The following PDSS2 variants were observed in gnomAD, a reference collection of about 807,000 sequenced individuals.
PDSS2 encodes decaprenyl diphosphate synthase subunit 2.
PDSS2 carries 31 observed loss-of-function variants against 44.5 expected under a neutral mutation model. The ratio of observed to expected loss-of-function variants is 0.70; its 90% CI spans 0.52 to 0.94. The LOEUF is 0.94. Among genes scored for constraint, PDSS2 ranks in the 40% least tolerant of loss-of-function variants. PDSS2 has a pLI of 0.00. For synonymous variants in PDSS2, 157 were observed against 180.3 expected (o/e 0.87, Z 1.03); for missense variants, 452 against 482.2 (o/e 0.94, Z 0.59).
At chr6:107,234,501 G>A (rs995504281) in intron 4 of PDSS2, among the ~76,000 whole-genome samples, 2 of 151,170 alleles carry the variant, frequency 1.3e-5, no homozygotes, top group South Asian at 4.2e-4. Context: ...CACCACGCCT[G>A]GCTCTATTTT....
At chr6:107,185,180 GAGA>G (rs1772125132) in intron 7 of PDSS2, among the ~76,000 whole-genome samples, 1 of 147,974 alleles carries the variant, frequency 6.8e-6, no homozygotes, top group South Asian at 2.1e-4. Context: ...AGAAGAAGAA[GAGA>G]AGAAGAAAGA....
chr6:107,373,264 C>T (rs975521123), intron 1 of PDSS2, among the ~76,000 whole-genome samples: 2 of 152,064 alleles, frequency 1.3e-5, no homozygotes, highest in African/African-American at 4.8e-5. Flanking sequence ...AGATTACAAG[C>T]GTGAGCCACT....
intron 1 of PDSS2, among the ~76,000 whole-genome samples, chr6:107,362,163 T>C (rs775313932): frequency 4.6e-5 from 7 of 152,114 alleles, no homozygotes; most frequent in Non-Finnish European, 7.4e-5. Context: ...ATATTTACGG[T>C]TGACCAGGCT....
Position 107,155,860 on chromosome 6 carries a change from G to A in PDSS2, c.1042-1083C>T, listed in dbSNP as rs148993414. Among the ~76,000 whole-genome samples, 5 of 135,386 alleles carry A rather than the reference G, an allele frequency of 3.7e-5. No homozygotes were observed. The East Asian group carries it at 9.0e-4, about 24-fold the overall frequency. 88.8% of individuals were successfully genotyped at this position (135,386 alleles called of 152,430 possible). A position where few individuals can be genotyped will look rare whatever the true frequency, so the allele number is the denominator to read the frequency against. ...CCCAAAAAGCTGGGATTACAGGCAT[G>A]AGCCACCTTGCCCGGCCTTTTTTTT... On this transcript the variant is annotated intron_variant, in intron 7 of 7. Coordinates refer to ENST00000369037, the MANE Select transcript of PDSS2 (RefSeq NM_020381.4).
At chr6:107,402,567 A>G (rs929586552) in intron 1 of PDSS2, among the ~76,000 whole-genome samples, 4 of 95,860 alleles carry the variant, frequency 4.2e-5, no homozygotes, top group East Asian at 3.0e-4. Context: ...ATATATATAC[A>G]TGTGTATATA....
intron 7 of PDSS2, among the ~76,000 whole-genome samples, chr6:107,180,013 G>A (rs1258853453): frequency 3.3e-5 from 5 of 152,060 alleles, no homozygotes; most frequent in East Asian, 1.9e-4. Flanking sequence ...CTAAAACTAC[G>A]TTCAGTATCT....
At position 107,154,584 on chromosome 6, in the gene PDSS2, C is replaced by T; in HGVS notation, c.*35G>A. 1 of 1,607,332 alleles carries T rather than the reference C, an allele frequency of 6.2e-7. No homozygotes were observed. Among genetic ancestry groups the T allele is most frequent in the Non-Finnish European group, 8.5e-7 (1 of 1,174,004 alleles). On this transcript the variant is annotated 3_prime_UTR_variant, in exon 8 of 8. Coordinates refer to ENST00000369037, the MANE Select transcript of PDSS2 (RefSeq NM_020381.4). Reference sequence around the variant, plus strand: ...AATCAACCTCATTCCCTAGGATTTTCAGCTAACTAACAATAGTGTCTTTTT... The same window carrying T: ...AATCAACCTCATTCCCTAGGATTTTTAGCTAACTAACAATAGTGTCTTTTT...
chr6:107,441,776 C>A (rs903466760), intron 1 of PDSS2, among the ~76,000 whole-genome samples: 2 of 152,152 alleles, frequency 1.3e-5, no homozygotes, highest in Non-Finnish European at 2.9e-5. Flanking sequence ...TAGGGAAATT[C>A]TTTTCCCTTA....
intron 1 of PDSS2, among the ~76,000 whole-genome samples, chr6:107,381,273 G>C (rs1343939719): frequency 6.6e-6 from 1 of 152,096 alleles, no homozygotes; most frequent in Non-Finnish European, 1.5e-5. Flanking sequence ...CATCTTTCTT[G>C]TTTTTGCATT....
At chr6:107,340,831 T>C (rs1179864372) in intron 1 of PDSS2, among the ~76,000 whole-genome samples, 2 of 151,814 alleles carry the variant, frequency 1.3e-5, no homozygotes, top group African/African-American at 4.8e-5. Context: ...GACAAGAAGG[T>C]GGAAGAACAC....
chr6:107,217,742 T>G (rs946859797), intron 4 of PDSS2, among the ~76,000 whole-genome samples: 1 of 152,160 alleles, frequency 6.6e-6, no homozygotes, highest in Non-Finnish European at 1.5e-5. Flanking sequence ...CCTACATACA[T>G]GCGAAATGAA....
At chr6:107,307,528 T>C in intron 2 of PDSS2, among the ~76,000 whole-genome samples, 1 of 152,132 alleles carries the variant, frequency 6.6e-6, no homozygotes, top group Non-Finnish European at 1.5e-5. Flanking sequence ...TAAGCCTTTT[T>C]TTTTTTTTTA....
intron 7 of PDSS2, chr6:107,192,533 C>T (rs1488884377): frequency 9.0e-6 from 3 of 331,882 alleles, no homozygotes; most frequent in Non-Finnish European, 1.8e-5. Flanking sequence ...GCTTCCCACA[C>T]CCTACCGCAA....
intron 1 of PDSS2, 48 bp from the exon 2 acceptor site, chr6:107,334,380 C>G (rs200030540): frequency 3.8e-6 from 6 of 1,570,248 alleles, no homozygotes; most frequent in Non-Finnish European, 5.3e-6. Context: ...CTCACGAGAT[C>G]ATCAGATAAC....
chr6:107,237,515 T>G (rs946468157), intron 4 of PDSS2, among the ~76,000 whole-genome samples: 8 of 151,894 alleles, frequency 5.3e-5, no homozygotes, highest in African/African-American at 9.7e-5. Flanking sequence ...AGTGCTGGGA[T>G]TACAGGCATG....
chr6:107,312,366 C>T (rs1479647933), intron 2 of PDSS2, among the ~76,000 whole-genome samples: 8 of 152,168 alleles, frequency 5.3e-5, no homozygotes, highest in African/African-American at 1.9e-4. Context: ...CTATTCTTTC[C>T]CTCTGTCTTA....
chr6:107,319,415 T>C (rs1339558952), intron 2 of PDSS2, among the ~76,000 whole-genome samples: 3 of 152,122 alleles, frequency 2.0e-5, no homozygotes, highest in Admixed American at 1.3e-4. Context: ...CCCACGCAAA[T>C]AGAGGTCATG....
chr6:107,447,126 G>A (rs1781710284), intron 1 of PDSS2, among the ~76,000 whole-genome samples: 1 of 152,080 alleles, frequency 6.6e-6, no homozygotes, highest in Non-Finnish European at 1.5e-5. Context: ...GAGGTCAGGA[G>A]ATCGAGACCA....
chr6:107,186,297 G>T (rs1772161414), intron 7 of PDSS2, among the ~76,000 whole-genome samples: 1 of 152,136 alleles, frequency 6.6e-6, no homozygotes, highest in African/African-American at 2.4e-5. Context: ...TTCTAGCTGA[G>T]TGTCTGTGTA....
Sources: gnomAD v4.1 joint callset for allele counts (sites outside exome capture counted in the v4.1 genomes callset) on GRCh38, gnomAD v4.1.1 for gene constraint, MANE v1.5 for transcripts, NCBI Gene and HGNC (gene_info 2026-07-23, HGNC 2026-07-21) for gene names.